Variants in ASTN2 observed in about 807,000 individuals in gnomAD.
The protein encoded by ASTN2 is astrotactin 2.
A neutral mutation model predicts 139.8 loss-of-function variants in ASTN2; 54 were observed. That is an observed-to-expected ratio of 0.39 (90% CI 0.31 to 0.48). The LOEUF (loss-of-function observed/expected upper bound fraction) is 0.48. Among genes scored for constraint, ASTN2 ranks in the 20% least tolerant of loss-of-function variants. The pLI, the probability that ASTN2 is intolerant of heterozygous loss-of-function variation, is 0.95. For missense variants in ASTN2, 1,565 were observed against 1,725.1 expected, an observed-to-expected ratio of 0.91 and a Z score of 1.64; for synonymous variants, 756 against 719.5, an observed-to-expected ratio of 1.05 and a Z score of -0.81.
At chr9:117,281,691 T>G (rs1834328866) in intron 2 of ASTN2, among the ~76,000 whole-genome samples, 1 of 152,172 alleles carries the variant, frequency 6.6e-6, no homozygotes, top group Non-Finnish European at 1.5e-5. Context: ...ACACACGCCC[T>G]GACTCTCTTG....
At chr9:116,606,836 T>G (rs1855233236) in intron 19 of ASTN2, among the ~76,000 whole-genome samples, 1 of 152,152 alleles carries the variant, frequency 6.6e-6, no homozygotes, top group South Asian at 2.1e-4. Context: ...AACTGAACCC[T>G]AGAAAAGATG....
At chr9:117,063,602 G>T (rs1377789994) in intron 5 of ASTN2, among the ~76,000 whole-genome samples, 1 of 152,078 alleles carries the variant, frequency 6.6e-6, no homozygotes, top group African/African-American at 2.4e-5. Flanking sequence ...CAAGTCTAGG[G>T]TATATCTTTA....
In ASTN2 at chr9:117,039,318, C is replaced by T. The variant is rs1838484993; in HGVS notation, c.1423+501G>A. Among the ~76,000 whole-genome samples, 3 of 152,088 alleles carry T rather than the reference C, an allele frequency of 2.0e-5. No homozygotes were observed. The South Asian group carries it at 6.2e-4, about 32-fold the overall frequency. The stretch of plus-strand genomic sequence containing the variant: ...ACTGGAAACCATCATCCTCAACAAA[C>T]TAACACAGGAACAGAAAACCAAACA... On this transcript the variant is annotated intron_variant, in intron 6 of 22. Transcript: ENST00000313400.
At chr9:117,037,327 AT>A (rs1838414390) in intron 6 of ASTN2, among the ~76,000 whole-genome samples, 2 of 147,542 alleles carry the variant, frequency 1.4e-5, no homozygotes, top group African/African-American at 4.9e-5. Flanking sequence ...GTCTCGGGTA[AT>A]CCCTTGATTT....
At chr9:117,324,272 C>T (rs1424108601) in intron 1 of ASTN2, among the ~76,000 whole-genome samples, 1 of 152,108 alleles carries the variant, frequency 6.6e-6, no homozygotes, top group East Asian at 1.9e-4. Flanking sequence ...AACAATAGAT[C>T]CAAATATGGA....
intron 19 of ASTN2, among the ~76,000 whole-genome samples, chr9:116,528,715 C>T (rs1209609907): frequency 1.3e-5 from 2 of 152,186 alleles, no homozygotes; most frequent in Non-Finnish European, 2.9e-5. Context: ...GTTTTCATGG[C>T]TGCTGCTCTA....
At chr9:117,091,489 T>C (rs1054154621) in intron 5 of ASTN2, among the ~76,000 whole-genome samples, 36 of 152,080 alleles carry the variant, frequency 2.4e-4, no homozygotes, top group African/African-American at 8.5e-4. Flanking sequence ...GCACAGCATC[T>C]GGTATAGAAT....
At chr9:117,030,609 T>C (rs1838219750) in intron 6 of ASTN2, among the ~76,000 whole-genome samples, 1 of 152,188 alleles carries the variant, frequency 6.6e-6, no homozygotes, top group Non-Finnish European at 1.5e-5. Context: ...CATGTTCAGC[T>C]GCTTAGAATG....
At position 116,579,331 on chromosome 9, in the gene ASTN2, TG is replaced by T. The variant is rs1230567174; in HGVS notation, c.3355+38992del. Among the ~76,000 whole-genome samples the T allele has an allele frequency of 2.6e-5, 4 of 152,246 alleles. No homozygotes were observed. The East Asian group carries it at 7.7e-4, about 29-fold the overall frequency. On this transcript the variant is annotated intron_variant, in intron 19 of 22. Transcript: ENST00000313400. ...GATCTGTCTGTCATAAAGTGTTTTC[TG>T]TTTCTGCTGCAATCTACCACAACCT... is the stretch of plus-strand genomic sequence containing the variant.
intron 5 of ASTN2, among the ~76,000 whole-genome samples, chr9:117,064,980 A>G (rs1213770005): frequency 1.3e-5 from 2 of 152,116 alleles, no homozygotes; most frequent in African/African-American, 2.4e-5. Context: ...GGGTCTTTGC[A>G]GATGCATTTA....
At chr9:117,125,026 A>G (rs1212157489) in intron 4 of ASTN2, among the ~76,000 whole-genome samples, 1 of 152,230 alleles carries the variant, frequency 6.6e-6, no homozygotes, top group Non-Finnish European at 1.5e-5. Flanking sequence ...AACACAAGAC[A>G]TTGCCATTAT....
At chr9:116,494,242 T>C (rs929519375) in intron 19 of ASTN2, among the ~76,000 whole-genome samples, 3 of 152,144 alleles carry the variant, frequency 2.0e-5, no homozygotes, top group Non-Finnish European at 4.4e-5. Context: ...AACTATATTA[T>C]GTAGAGATGG....
At chr9:116,879,683 G>A (rs1833402930) in intron 10 of ASTN2, among the ~76,000 whole-genome samples, 1 of 152,106 alleles carries the variant, frequency 6.6e-6, no homozygotes, top group Non-Finnish European at 1.5e-5. Flanking sequence ...ATTTGTTTCG[G>A]ACAAATGAAT....
At chr9:116,579,062 A>T (rs958543871) in intron 19 of ASTN2, 1 of 152,050 alleles carries the variant, frequency 6.6e-6, no homozygotes, top group Non-Finnish European at 1.5e-5. Flanking sequence ...GAAAAAAAAA[A>T]GGTAAGGCAC....
At chr9:117,041,770 A>G (rs1427672105) in intron 5 of ASTN2, among the ~76,000 whole-genome samples, 1 of 152,194 alleles carries the variant, frequency 6.6e-6, no homozygotes, top group Non-Finnish European at 1.5e-5. Context: ...GAATTACTGC[A>G]GTGCTCCTAC....
chr9:117,231,741 G>A (rs1013980628), intron 2 of ASTN2, among the ~76,000 whole-genome samples: 1 of 152,102 alleles, frequency 6.6e-6, no homozygotes, highest in Non-Finnish European at 1.5e-5. Context: ...GAGAGTGTAA[G>A]GTGAGAGAGG....
intron 1 of ASTN2, among the ~76,000 whole-genome samples, chr9:117,336,870 T>C (rs1000592920): frequency 6.6e-6 from 1 of 152,144 alleles, no homozygotes; most frequent in Non-Finnish European, 1.5e-5. Flanking sequence ...TTAGCCATTA[T>C]GAAAAGTTCT....
chr9:116,713,117 T>C (rs1828216333), intron 16 of ASTN2, among the ~76,000 whole-genome samples: 1 of 152,182 alleles, frequency 6.6e-6, no homozygotes, highest in African/African-American at 2.4e-5. Context: ...TATTAACTAA[T>C]GGTTCTCTTT....
intron 5 of ASTN2, among the ~76,000 whole-genome samples, chr9:117,064,836 G>C (rs1053661196): frequency 2.0e-5 from 3 of 151,908 alleles, no homozygotes; most frequent in Non-Finnish European, 4.4e-5. Flanking sequence ...CTACTCTCAA[G>C]CACGCCTAGT....
Sources: gnomAD v4.1 joint callset for allele counts (sites outside exome capture counted in the v4.1 genomes callset) on GRCh38, gnomAD v4.1.1 for gene constraint, MANE v1.5 for transcripts, NCBI Gene and HGNC (gene_info 2026-07-23, HGNC 2026-07-21) for gene names.